COL21A1: variants seen among roughly 807,000 people sequenced by gnomAD.
COL21A1 encodes the protein collagen alpha-1(XXI) chain.
A neutral mutation model predicts 137.9 loss-of-function variants in COL21A1; 149 were observed. The ratio of observed to expected loss-of-function variants is 1.08; its 90% CI spans 0.95 to 1.24. The LOEUF (loss-of-function observed/expected upper bound fraction) is 1.24, where lower values mean the gene tolerates loss of function less well. Among genes scored for constraint, COL21A1 ranks in the 50% most tolerant of loss-of-function variants. COL21A1 has a pLI of 0.00. For synonymous variants in COL21A1, 456 were observed against 391.5 expected, an observed-to-expected ratio of 1.16 and a Z score of -1.95; for missense variants, 1,167 against 1,158.4, an observed-to-expected ratio of 1.01 and a Z score of -0.11.
intron 1 of COL21A1, among the ~76,000 whole-genome samples, chr6:56,214,605 C>T (rs1273895140): frequency 1.3e-5 from 2 of 151,336 alleles, no homozygotes; most frequent in Non-Finnish European, 2.9e-5. Context: ...TCATGATAAC[C>T]AAAATAGACT....
chr6:56,124,335 T>C (rs1418073556), intron 14 of COL21A1, 43 bp from the exon 15 acceptor site: 3 of 1,545,370 alleles, frequency 1.9e-6, no homozygotes, highest in South Asian at 1.2e-5. Flanking sequence ...TTTACAATAA[T>C]GTTTTCAAGT....
intron 1 of COL21A1, among the ~76,000 whole-genome samples, chr6:56,341,491 C>A (rs913588074): frequency 6.6e-6 from 1 of 152,136 alleles, no homozygotes; most frequent in African/African-American, 2.4e-5. Context: ...CAGAAGACCA[C>A]ACACTCTATG....
At chr6:56,082,111 C>CA (rs900330100) in intron 17 of COL21A1, among the ~76,000 whole-genome samples, 10 of 151,742 alleles carry the variant, frequency 6.6e-5, no homozygotes, top group Admixed American at 2.0e-4. Flanking sequence ...CAGGACAAGA[C>CA]AAAATCTCAA....
At chr6:56,162,108 T>C (rs116219803) in intron 9 of COL21A1, among the ~76,000 whole-genome samples, 2,648 of 152,288 alleles carry the variant, frequency 0.017, 72 homozygotes, top group African/African-American at 0.061. Context: ...GTTGAACTAA[T>C]TAAAACCCTA....
At chr6:56,063,263 G>A (rs1289452943) in intron 24 of COL21A1, among the ~76,000 whole-genome samples, 2 of 152,168 alleles carry the variant, frequency 1.3e-5, no homozygotes, top group Non-Finnish European at 2.9e-5. Flanking sequence ...CAGTGAGCTA[G>A]CTAAGTTGTG....
chr6:56,170,365 G>A (rs17819824), intron 5 of COL21A1, among the ~76,000 whole-genome samples: 10,107 of 151,806 alleles, frequency 0.067, 396 homozygotes, highest in Admixed American at 0.11. Context: ...TGCAAAATGG[G>A]AGCAATGGTT....
At chr6:56,165,244 T>G (rs1327618646) in intron 7 of COL21A1, among the ~76,000 whole-genome samples, 1 of 152,176 alleles carries the variant, frequency 6.6e-6, no homozygotes, top group Non-Finnish European at 1.5e-5. Context: ...GGAGAGCTTC[T>G]CCTAAAATAG....
At chr6:56,262,074 T>G (rs1268518742) in intron 1 of COL21A1, among the ~76,000 whole-genome samples, 1 of 152,108 alleles carries the variant, frequency 6.6e-6, no homozygotes, top group Non-Finnish European at 1.5e-5. Flanking sequence ...AGATAGAAAT[T>G]TTACTTATTA....
At chr6:56,309,599 C>A (rs1582771709) in intron 1 of COL21A1, among the ~76,000 whole-genome samples, 1 of 152,136 alleles carries the variant, frequency 6.6e-6, no homozygotes, top group East Asian at 1.9e-4. Context: ...CCCAGGGGGG[C>A]AGTGACTATG....
At chr6:56,107,373 C>CA (rs891082755) in intron 16 of COL21A1, among the ~76,000 whole-genome samples, 4 of 148,874 alleles carry the variant, frequency 2.7e-5, no homozygotes, top group South Asian at 2.1e-4. Context: ...AGATACAAAC[C>CA]AAAAAAAAGT....
chr6:56,158,241 CGTGGGTTTT>C (rs1775906718), intron 9 of COL21A1, among the ~76,000 whole-genome samples: 3 of 132,362 alleles, frequency 2.3e-5, no homozygotes, highest in Non-Finnish European at 4.8e-5. Context: ...ATTCTTCACT[CGTGGGTTTT>C]TTCTTTTTTT....
chr6:56,157,000 G>A, intron 9 of COL21A1, 51 bp from the exon 10 acceptor site: 1 of 1,277,740 alleles, frequency 7.8e-7, no homozygotes, highest in South Asian at 1.2e-5. Context: ...AGCCACATTG[G>A]TGCAGTCAGG....
intron 1 of COL21A1, among the ~76,000 whole-genome samples, chr6:56,363,645 TATTTGTCC>T (rs912207380): frequency 1.3e-5 from 2 of 152,196 alleles, no homozygotes; most frequent in East Asian, 3.8e-4. Context: ...TATTGGGTAA[TATTTGTCC>T]ATTTAAACTC....
intron 10 of COL21A1, among the ~76,000 whole-genome samples, chr6:56,153,483 T>A (rs9357890): frequency 3.9e-5 from 6 of 152,258 alleles, no homozygotes; most frequent in East Asian, 1.9e-4. Flanking sequence ...TCCCATTTTT[T>A]AAAAACCCTG....
chr6:56,271,240 T>C (rs956806773), intron 1 of COL21A1, among the ~76,000 whole-genome samples: 1 of 152,202 alleles, frequency 6.6e-6, no homozygotes, highest in South Asian at 2.1e-4. Context: ...CAAAGGTCAC[T>C]CTTGTTATGC....
At chr6:56,118,616 A>C (rs947438332) in intron 16 of COL21A1, among the ~76,000 whole-genome samples, 2 of 151,992 alleles carry the variant, frequency 1.3e-5, no homozygotes, top group African/African-American at 4.8e-5. Flanking sequence ...CCAGACAAAA[A>C]CATACCACAA....
At chr6:56,061,723 A>G in intron 24 of COL21A1, 42 bp from the exon 25 acceptor site, 1 of 1,381,364 alleles carries the variant, frequency 7.2e-7, no homozygotes, top group Non-Finnish European at 1.0e-6. Context: ...TGTGCAAGCT[A>G]CAGTACTGTA....
At position 56,180,013 on chromosome 6, in the gene COL21A1, T is replaced by C; in HGVS notation, c.205A>G (p.Ile69Val). 6.2e-7 allele frequency: 1 copy of C among 1,613,844 alleles called. No individual in the cohort carries two copies. The highest frequency in any genetic ancestry group is 8.5e-7 in the Non-Finnish European group (1 of 1,179,826). ...WLVNITKNFD[I>V]GPKFIQVGVV... ...CCAACTTGAATAAACTTCGGCCCTA[T>C]GTCAAAGTTTTTTGTGATATTGACA... The change falls in exon 3 of 30, where the codon ATA becomes GTA. Residue 69 changes from isoleucine (I) to valine (V), a missense_variant. Physicochemically the swap from Ile to Val is conservative, Grantham distance 29. Transcript: ENST00000244728.
At chr6:56,261,083 T>G (rs1763262699) in intron 1 of COL21A1, among the ~76,000 whole-genome samples, 1 of 151,926 alleles carries the variant, frequency 6.6e-6, no homozygotes, top group Non-Finnish European at 1.5e-5. Flanking sequence ...AGGAGCTGAC[T>G]ATAATTCTAC....
Sources: gnomAD v4.1 joint callset for allele counts (sites outside exome capture counted in the v4.1 genomes callset) on GRCh38, gnomAD v4.1.1 for gene constraint, MANE v1.5 for transcripts, NCBI Gene and HGNC (gene_info 2026-07-23, HGNC 2026-07-21) for gene names.